The following VEZT variants were observed in gnomAD, a reference collection of about 807,000 sequenced individuals.
The protein encoded by VEZT is vezatin, adherens junctions transmembrane protein, also known as vezatin.
In VEZT, 39 loss-of-function variants were observed where a neutral mutation model predicts 79.9. The observed-to-expected ratio is 0.49, with a 90% confidence interval of 0.38 to 0.64. The LOEUF (loss-of-function observed/expected upper bound fraction) is 0.64. VEZT is among the 30% of genes least tolerant of loss of function. The pLI is 0.00. For synonymous variants in VEZT, 325 were observed against 327.6 expected (o/e 0.99, Z 0.09); for missense variants, 837 against 893.1 (o/e 0.94, Z 0.80).
intron 1 of VEZT, among the ~76,000 whole-genome samples, chr12:95,239,949 AGAGAGAG>A (rs2060681080): frequency 4.6e-4 from 1 of 2,174 alleles, no homozygotes; most frequent in African/African-American, 3.8e-3. Flanking sequence ...GAGACTCGAA[AGAGAGAG>A]AGAGAGAGAG....
rs1566369456 is a variant in VEZT at position 95,300,506 on chromosome 12, A to C, written c.2173A>C (p.Arg725=). 6.2e-7 allele frequency: 1 copy of C among 1,613,942 alleles called. No homozygotes were observed. Residue 725 remains arginine, a synonymous_variant, in exon 12 of 12, where the codon AGG becomes CGG. Coordinates refer to ENST00000436874, the MANE Select transcript of VEZT (RefSeq NM_017599.4). ...RDSLQPSIKQ[R]LARLQLSPDF... is the part of the protein sequence containing the mutation. ...CTCATTACAGCCCTCCATTAAGCAGAGGCTGGCACGGCTACAGCTGTCACC... is the reference window on the plus strand; with the variant it reads ...CTCATTACAGCCCTCCATTAAGCAGCGGCTGGCACGGCTACAGCTGTCACC...
Position 95,263,086 on chromosome 12 carries a change from T to C in VEZT, c.434+5T>C. 1.3e-6 allele frequency: 2 copies of C among 1,583,312 alleles called. No individual in the cohort carries two copies. The highest frequency in any genetic ancestry group is 1.7e-6 in the Non-Finnish European group (2 of 1,158,688). On this transcript the variant is annotated splice_donor_5th_base_variant and intron_variant, in intron 4 of 11. Transcript: ENST00000436874. The stretch of plus-strand genomic sequence containing the variant: ...CCTGGCAACCCCTAATATTTGGTAC[T>C]GTCCAGAAAACACCTATTCTTTGAC...
intron 9 of VEZT, among the ~76,000 whole-genome samples, chr12:95,289,129 T>TAAATAAATTTAA (rs1343956093): frequency 7.1e-6 from 1 of 141,500 alleles, no homozygotes; most frequent in African/African-American, 2.5e-5. Context: ...AATAAATAAA[T>TAAATAAATTTAA]AAAAAAGGCC....
intron 2 of VEZT, among the ~76,000 whole-genome samples, chr12:95,254,066 C>G (rs1415982446): frequency 1.3e-5 from 2 of 152,084 alleles, no homozygotes; most frequent in Non-Finnish European, 2.9e-5. Flanking sequence ...CTGCAGCATT[C>G]ACTTCCTGGG....
chr12:95,256,560 A>G (rs2063518479), intron 2 of VEZT: 4 of 1,288,388 alleles, frequency 3.1e-6, no homozygotes, highest in African/African-American at 3.0e-5. Context: ...TACCTGGGAT[A>G]TAGTAATCAC....
At chr12:95,299,519 A>G (rs972578975) in intron 11 of VEZT, 2 of 152,188 alleles carry the variant, frequency 1.3e-5, no homozygotes, top group Non-Finnish European at 2.9e-5. Context: ...AAATGTGTAG[A>G]AGTTATGGCT....
intron 1 of VEZT, among the ~76,000 whole-genome samples, chr12:95,236,187 G>A (rs1307412136): frequency 6.6e-5 from 10 of 152,174 alleles, no homozygotes; most frequent in East Asian, 1.9e-4. Context: ...TTGGGAGGCC[G>A]AGGCTGGCGG....
intron 1 of VEZT, among the ~76,000 whole-genome samples, chr12:95,248,976 G>C (rs376507764): frequency 6.6e-6 from 1 of 152,028 alleles, no homozygotes; most frequent in South Asian, 2.1e-4. Flanking sequence ...TTAAACAGCT[G>C]GGGAAAATAT....
chr12:95,296,106 A>G lies in VEZT; in HGVS notation c.1679A>G (p.Asp560Gly). ...ATTGATAGTGATTTCAGAAAGGATG[A>G]TTTTTATTACTTGTCTCAAGAAGAC... ...IDIDSDFRKDDFYYLSQEDKE... is the reference protein window; with the variant it reads ...IDIDSDFRKDGFYYLSQEDKE... Residue 560 changes from aspartate (D) to glycine (G), a missense_variant, in exon 11 of 12, where the codon GAT (aspartate) becomes GGT (glycine). By Grantham distance (94) the Asp-to-Gly change is moderately conservative (BLOSUM62 -1). Transcript: ENST00000436874. 6.4e-7 allele frequency: 1 copy of G among 1,560,654 alleles called. No individual in the cohort carries two copies. The highest frequency in any genetic ancestry group is 8.7e-7 in the Non-Finnish European group (1 of 1,151,032).
At position 95,282,607 on chromosome 12, in the gene VEZT, C is replaced by T. The variant is rs751816691; in HGVS notation, c.1291C>T (p.Arg431Cys). ...ACTGAATAATGTTCACACAGCAGTG[C>T]GTAGCTTGCAGCTCCATCTGAAAGC... ...RELNNVHTAV[R>C]SLQLHLKALL... The change falls in exon 8 of 12, where the codon CGT becomes TGT. Residue 431 changes from arginine to cysteine, a missense_variant. Transcript: ENST00000436874. 30 of 1,610,376 alleles carry T rather than the reference C, an allele frequency of 1.9e-5. No homozygotes were observed. Among genetic ancestry groups the T allele is most frequent in the Non-Finnish European group, 2.4e-5 (28 of 1,177,408 alleles).
intron 11 of VEZT, among the ~76,000 whole-genome samples, chr12:95,297,481 A>G (rs1256409493): frequency 1.3e-5 from 2 of 149,200 alleles, no homozygotes; most frequent in East Asian, 3.9e-4. Context: ...CTTTCTTCCC[A>G]TTGGCCCCCT....
chr12:95,227,254 A>C (rs561044410), intron 1 of VEZT, among the ~76,000 whole-genome samples: 42 of 151,924 alleles, frequency 2.8e-4, no homozygotes, highest in African/African-American at 8.9e-4. Context: ...TCCACTTCCC[A>C]GGCTCAGGTG....
chr12:95,258,427 T>C, intron 3 of VEZT: 1 of 291,060 alleles, frequency 3.4e-6, no homozygotes, highest in Non-Finnish European at 7.1e-6. Flanking sequence ...TATGCATCCC[T>C]TTTGTGCCTA....
At chr12:95,281,913 G>A (rs1375541009) in intron 7 of VEZT, among the ~76,000 whole-genome samples, 1 of 151,848 alleles carries the variant, frequency 6.6e-6, no homozygotes, top group African/African-American at 2.4e-5. Context: ...TTTGATCCAT[G>A]TGACTCATTT....
At position 95,244,791 on chromosome 12, in the gene VEZT, A is replaced by T. The variant is rs78997662; in HGVS notation, c.37-7149A>T. On this transcript the variant is annotated intron_variant, in intron 1 of 11. Transcript: ENST00000436874. ...TTTTTTTGGTGTGTTTTTTTTTTTTAAAGACAAATGCATTTCATTATTTAT... is the reference window on the plus strand; with the variant it reads ...TTTTTTTGGTGTGTTTTTTTTTTTTTAAGACAAATGCATTTCATTATTTAT... Among the ~76,000 whole-genome samples, 458 of 143,644 alleles carry T rather than the reference A, an allele frequency of 3.2e-3. 1 individual carries two copies. Among genetic ancestry groups the T allele is most frequent in the Non-Finnish European group, 5.1e-3 (332 of 65,440 alleles). The allele number at this position is 143,644 out of a possible 152,430, so 94.2% of individuals were successfully genotyped here.
intron 5 of VEZT, 54 bp downstream of exon 5, chr12:95,266,686 G>A (rs2065605276): frequency 6.8e-7 from 1 of 1,468,338 alleles, no homozygotes. Context: ...TTCCATAAAG[G>A]AGAATATTTA....
chr12:95,249,188 G>A lies in VEZT; in HGVS notation c.37-2752G>A, dbSNP rs551647198. Among the ~76,000 whole-genome samples, 4 of 152,252 alleles carry A rather than the reference G, an allele frequency of 2.6e-5. No individual in the cohort carries two copies. In the South Asian group the frequency reaches 6.2e-4, roughly 24 times the overall value. ...AATATTTACGATCTGGCCTTTTACC[G>A]AAAAAGGCTGCTGACCCAGAGTTAG... is the stretch of plus-strand genomic sequence containing the variant. On this transcript the variant is annotated intron_variant, in intron 1 of 11. Transcript: ENST00000436874.
At chr12:95,262,831 G>A in intron 3 of VEZT, 75 bp from the exon 4 acceptor site, 1 of 1,307,568 alleles carries the variant, frequency 7.6e-7, no homozygotes, top group Non-Finnish European at 1.0e-6. Flanking sequence ...AATTTTATTA[G>A]TACATTAGGA....
intron 1 of VEZT, among the ~76,000 whole-genome samples, chr12:95,227,729 A>G (rs2058696523): frequency 6.6e-6 from 1 of 152,162 alleles, no homozygotes; most frequent in Non-Finnish European, 1.5e-5. Flanking sequence ...AAGTGCTGGG[A>G]TTACAGACAT....
Sources: gnomAD v4.1 joint callset for allele counts (sites outside exome capture counted in the v4.1 genomes callset) on GRCh38, gnomAD v4.1.1 for gene constraint, MANE v1.5 for transcripts, NCBI Gene and HGNC (gene_info 2026-07-23, HGNC 2026-07-21) for gene names.